The following EHBP1L1 variants were observed in gnomAD, a reference collection of about 807,000 sequenced individuals.
The protein encoded by EHBP1L1 is EH domain binding protein 1 like 1.
A neutral mutation model predicts 151.1 loss-of-function variants in EHBP1L1; 122 were observed. The observed-to-expected ratio is 0.81, with a 90% CI of 0.70 to 0.94. EHBP1L1 has a LOEUF of 0.94. EHBP1L1 is among the 40% of genes least tolerant of loss of function. The pLI is 0.00. For missense variants in EHBP1L1, 1,941 were observed against 1,959.8 expected (o/e 0.99, Z 0.18); for synonymous variants, 878 against 810.1 (o/e 1.08, Z -1.42).
intron 11 of EHBP1L1, chr11:65,584,756 G>C (rs555907233): frequency 1.0e-6 from 1 of 954,466 alleles, no homozygotes; most frequent in Non-Finnish European, 1.5e-6. Flanking sequence ...ACCACCCTTT[G>C]GTAACGGGGT....
chr11:65,576,175 A>T lies in EHBP1L1; in HGVS notation c.-128A>T. 1.4e-6 allele frequency: 1 copy of T among 729,348 alleles called. No homozygotes were observed. Among genetic ancestry groups the T allele is most frequent in the East Asian group, 3.6e-5 (1 of 27,756 alleles). The allele number at this position is 729,348 out of a possible 1,614,324, so 45.2% of individuals were successfully genotyped here. On this transcript the variant is annotated 5_prime_UTR_variant, in exon 1 of 19. Transcript: ENST00000309295. ...AGCGGAGAGCGCGGTCCCGGGTCGGAGCCTGGGACACCTCCGCACGGACGG... is the reference window on the plus strand; with the variant it reads ...AGCGGAGAGCGCGGTCCCGGGTCGGTGCCTGGGACACCTCCGCACGGACGG...
Position 65,583,587 on chromosome 11 carries a change from T to C in EHBP1L1, c.2915T>C (p.Phe972Ser). 3 of 1,607,158 alleles carry C rather than the reference T, an allele frequency of 1.9e-6. No homozygotes were observed. Among genetic ancestry groups the C allele is most frequent in the Non-Finnish European group, 2.6e-6 (3 of 1,175,634 alleles). Residue 972 changes from phenylalanine (F) to serine (S), a missense_variant, in exon 9 of 19, where the codon TTT becomes TCT. Coordinates refer to ENST00000309295, the MANE Select transcript of EHBP1L1 (RefSeq NM_001099409.3). ...LESPENKSGT[F>S]KAQEAEAGVL... ...TCTCCAGAGAACAAATCTGGTACTT[T>C]TAAGGCCCAGGAAGCGGAGGCTGGG...
rs1247285383 is a variant in EHBP1L1, at chr11:65,583,045, T to C, written c.2373T>C (p.Ala791=). 1.2e-6 allele frequency: 2 copies of C among 1,613,054 alleles called. No homozygotes were observed. Among genetic ancestry groups the C allele is most frequent in the South Asian group, 2.2e-5 (2 of 91,066 alleles). Residue 791 remains alanine, a synonymous_variant, in exon 9 of 19, where the codon GCT becomes GCC. Coordinates refer to ENST00000309295, the MANE Select transcript of EHBP1L1 (RefSeq NM_001099409.3). ...ATTCAGGGGTCCCAGGGTTAGAAGC[T>C]GATACAACAGGGATCCAGGTGAAAG... is the stretch of plus-strand genomic sequence containing the variant. ...SRDSGVPGLE[A]DTTGIQVKEV...
chr11:65,583,818 G>A (rs1300358966), intron 9 of EHBP1L1, 53 bp downstream of exon 9: 2 of 1,441,886 alleles, frequency 1.4e-6, no homozygotes, highest in Non-Finnish European at 1.8e-6. Context: ...CTAACCTGGG[G>A]CTGAGCGAAC....
chr11:65,591,971 C>T lies in EHBP1L1; in HGVS notation c.4358-5C>T, dbSNP rs1858339519. 2 of 1,611,108 alleles carry T rather than the reference C, an allele frequency of 1.2e-6. No homozygotes were observed. Among genetic ancestry groups the T allele is most frequent in the Non-Finnish European group, 1.7e-6 (2 of 1,177,854 alleles). The stretch of plus-strand genomic sequence containing the variant: ...CTCCTGACGCTTAGCCGCTTCGACC[C>T]TCAGACTGGCAGAAAACGTCCGCTC... On this transcript the variant is annotated splice_polypyrimidine_tract_variant and splice_region_variant and intron_variant, in intron 17 of 18. Transcript: ENST00000309295.
Position 65,585,570 on chromosome 11 carries a change from A to G in EHBP1L1, c.3912A>G (p.Gly1304=), listed in dbSNP as rs776141882. ...SSFSMDDPDA[G]AMGAAAAEGQ... ...TCTCGATGGACGATCCGGACGCGGG[A>G]GCCATGGGAGCTGCGGCTGCAGTGA... Residue 1304 remains glycine (G), a synonymous_variant, in exon 12 of 19, where the codon GGA becomes GGG. Transcript: ENST00000309295. The surrounding 1 kb of genome is among the most constrained non-coding windows in gnomAD (Gnocchi z 4.0). 21 of 1,580,732 alleles carry G rather than the reference A, an allele frequency of 1.3e-5. No homozygotes were observed. Among genetic ancestry groups the G allele is most frequent in the South Asian group, 1.1e-4 (10 of 88,164 alleles).
Position 65,582,494 on chromosome 11 carries a change from T to G in EHBP1L1, c.1822T>G (p.Leu608Val). The G allele has an allele frequency of 6.2e-7, 1 of 1,612,942 alleles. No homozygotes were observed. Among genetic ancestry groups the G allele is most frequent in the East Asian group, 2.2e-5 (1 of 44,858 alleles). ...ACTAGAAATTGAGATATTGGGGGCC[T>G]TGGAGAAAGAAGCAGCAAGATCAAG... Reference protein sequence around the residue: ...RTLEIEILGALEKEAARSRVL... With the variant: ...RTLEIEILGAVEKEAARSRVL... Residue 608 changes from leucine to valine, a missense_variant, in exon 9 of 19, where the codon TTG (leucine) becomes GTG (valine). Transcript: ENST00000309295.
Position 65,582,988 on chromosome 11 carries a change from G to A in EHBP1L1, c.2316G>A (p.Ala772=), listed in dbSNP as rs897308599. The A allele has an allele frequency of 9.3e-6, 15 of 1,612,950 alleles. No homozygotes were observed. Among genetic ancestry groups the A allele is most frequent in the African/African-American group, 6.7e-5 (5 of 74,812 alleles). ...LGIETGAAEG[A]ILGTQEIASR... is the part of the protein sequence containing the mutation. The stretch of plus-strand genomic sequence containing the variant: ...TAGAGACTGGGGCAGCAGAAGGTGC[G>A]ATATTGGGGACCCAAGAGATAGCAT... Residue 772 remains alanine, a synonymous_variant, in exon 9 of 19, where the codon GCG becomes GCA. Transcript: ENST00000309295.
At position 65,576,258 on chromosome 11, in the gene EHBP1L1, C is replaced by A; in HGVS notation, c.-45C>A. The A allele has an allele frequency of 6.6e-7, 1 of 1,510,860 alleles. No homozygotes were observed. The highest frequency in any genetic ancestry group is 8.9e-7 in the Non-Finnish European group (1 of 1,129,388). The allele number at this position is 1,510,860 out of a possible 1,614,324, so 93.6% of individuals were successfully genotyped here. ...GGCCGGGCCAGCGGTGGCGGGCCAG[C>A]GGGAGCCCCGGGCCTGAGAAGTGGG... is the stretch of plus-strand genomic sequence containing the variant. On this transcript the variant is annotated 5_prime_UTR_variant, in exon 1 of 19. Transcript: ENST00000309295.
intron 1 of EHBP1L1, among the ~76,000 whole-genome samples, chr11:65,577,623 C>T (rs1857393472): frequency 6.6e-6 from 1 of 152,088 alleles, no homozygotes. Context: ...TGCAGCTTCC[C>T]AGGAGGGCGT....
At chr11:65,576,600 C>T (rs984908689) in intron 1 of EHBP1L1, among the ~76,000 whole-genome samples, 194 bp downstream of exon 1, 4 of 152,134 alleles carry the variant, frequency 2.6e-5, no homozygotes, top group Non-Finnish European at 4.4e-5. Context: ...GAGTTGGGGG[C>T]GTGGGCAGCC....
chr11:65,579,313 G>A (rs1018132564), intron 2 of EHBP1L1, 28 bp from the exon 3 acceptor site: 11 of 1,519,948 alleles, frequency 7.2e-6, no homozygotes, highest in Non-Finnish European at 9.8e-6. Flanking sequence ...AGTTAAGATG[G>A]GGGGAGGACT....
In EHBP1L1 at chr11:65,585,560, C is replaced by T; in HGVS notation, c.3902C>T (p.Pro1301Leu). The T allele has an allele frequency of 1.9e-6, 3 of 1,582,112 alleles. No homozygotes were observed. Among genetic ancestry groups the T allele is most frequent in the Non-Finnish European group, 2.6e-6 (3 of 1,171,594 alleles). The change falls in exon 12 of 19, where the codon CCG becomes CTG. Residue 1301 changes from proline to leucine, a missense_variant. Pro to Leu is a moderately conservative substitution (Grantham distance 98, BLOSUM62 -3). Coordinates refer to ENST00000309295, the MANE Select transcript of EHBP1L1 (RefSeq NM_001099409.3). The surrounding 1 kb of genome is among the most constrained non-coding windows in gnomAD (Gnocchi z 4.0). ...AGCAGCTCGTTCTCGATGGACGATC[C>T]GGACGCGGGAGCCATGGGAGCTGCG... ...RNSSSFSMDD[P>L]DAGAMGAAAA... is the part of the protein sequence containing the mutation.
In EHBP1L1 at chr11:65,582,351, G is replaced by T. The variant is rs1471144691; in HGVS notation, c.1679G>T (p.Trp560Leu). ...QGAISRGLGG[W>L]EAEAGGSGDL... ...GCAATATCCAGGGGTCTGGGAGGCT[G>T]GGAGGCAGAAGCTGGGGGTTCAGGG... The change falls in exon 9 of 19, where the codon TGG (tryptophan) becomes TTG (leucine). Residue 560 changes from tryptophan (W) to leucine (L), a missense_variant. Physicochemically the swap from Trp to Leu is moderately conservative, Grantham distance 61 (BLOSUM62 -2). Transcript: ENST00000309295. 1 of 1,576,594 alleles carries T rather than the reference G, an allele frequency of 6.3e-7. No individual in the cohort carries two copies. The highest frequency in any genetic ancestry group is 1.9e-5 in the Admixed American group (1 of 53,272).
intron 1 of EHBP1L1, among the ~76,000 whole-genome samples, chr11:65,576,810 G>T (rs1857353390): frequency 1.3e-5 from 2 of 152,134 alleles, no homozygotes; most frequent in Admixed American, 1.3e-4. Flanking sequence ...ACCTTACTTA[G>T]TCCAGCTAAG....
At chr11:65,584,918 G>A in intron 11 of EHBP1L1, 41 bp from the exon 12 acceptor site, 8 of 1,527,952 alleles carry the variant, frequency 5.2e-6, no homozygotes, top group Non-Finnish European at 7.0e-6. Context: ...GGGTGGCGCG[G>A]GCCACCGCCG....
intron 12 of EHBP1L1, among the ~76,000 whole-genome samples, chr11:65,588,116 G>C (rs1858068746): frequency 6.6e-6 from 1 of 152,108 alleles, no homozygotes; most frequent in Non-Finnish European, 1.5e-5. Context: ...CCAGCCTGGG[G>C]ATCAGAGGAG....
At chr11:65,577,746 A>G (rs1170017463) in intron 1 of EHBP1L1, among the ~76,000 whole-genome samples, 3 of 152,156 alleles carry the variant, frequency 2.0e-5, no homozygotes, top group African/African-American at 7.2e-5. Context: ...ATCGCTGGCA[A>G]TTTGGGCTTG....
chr11:65,583,488 C>G lies in EHBP1L1; in HGVS notation c.2816C>G (p.Ala939Gly), dbSNP rs1184293280. Residue 939 changes from alanine to glycine, a missense_variant, in exon 9 of 19, where the codon GCT becomes GGT. Ala to Gly is a moderately conservative substitution (Grantham distance 60). Transcript: ENST00000309295. The stretch of plus-strand genomic sequence containing the variant: ...GTTCTGAGAGTCCAGGAGGCAGAGG[C>G]TGGGGTTTGGGGGATGTCAGAGGGC... ...TQVLRVQEAE[A>G]GVWGMSEGKS... The G allele has an allele frequency of 1.9e-6, 3 of 1,613,326 alleles. No individual in the cohort carries two copies. Among genetic ancestry groups the G allele is most frequent in the Non-Finnish European group, 2.5e-6 (3 of 1,179,712 alleles).
Sources: gnomAD v4.1 joint callset for allele counts (sites outside exome capture counted in the v4.1 genomes callset) on GRCh38, gnomAD v4.1.1 for gene constraint, Gnocchi (gnomAD v3.1) non-coding constraint, MANE v1.5 for transcripts, NCBI Gene and HGNC (gene_info 2026-07-23, HGNC 2026-07-21) for gene names.